ACAT1: variants seen among roughly 807,000 people sequenced by gnomAD.
ACAT1 encodes acetyl-CoA acetyltransferase, mitochondrial.
A neutral mutation model predicts 47.3 loss-of-function variants in ACAT1; 28 were observed. That is an observed-to-expected ratio of 0.59 (90% CI 0.44 to 0.81). The LOEUF is 0.81. Among genes scored for constraint, ACAT1 ranks in the 30% least tolerant of loss-of-function variants. ACAT1 has a pLI of 0.00. For synonymous variants in ACAT1, 181 were observed against 173.6 expected, an observed-to-expected ratio of 1.04 and a Z score of -0.34; for missense variants, 469 against 524.3, an observed-to-expected ratio of 0.89 and a Z score of 1.03.
intron 10 of ACAT1, among the ~76,000 whole-genome samples, chr11:108,144,691 C>T (rs972849910): frequency 9.9e-4 from 51 of 51,460 alleles, no homozygotes; most frequent in Non-Finnish European, 1.5e-3. Flanking sequence ...CCCCACTGCC[C>T]CCAACCCCCG....
intron 5 of ACAT1, among the ~76,000 whole-genome samples, chr11:108,138,005 T>A (rs1034792927): frequency 2.0e-5 from 3 of 151,860 alleles, no homozygotes; most frequent in African/African-American, 7.3e-5. Flanking sequence ...ATTTTTTTTT[T>A]AAAGACAGAG....
At chr11:108,146,452 GT>G in intron 11 of ACAT1, 93 bp downstream of exon 11, 1 of 1,463,704 alleles carries the variant, frequency 6.8e-7, no homozygotes, top group South Asian at 1.2e-5. Context: ...TTGCTCTTAA[GT>G]TTTCCTTCCT....
At chr11:108,122,147 G>A (rs2077165027) in intron 1 of ACAT1, among the ~76,000 whole-genome samples, 1 of 152,232 alleles carries the variant, frequency 6.6e-6, no homozygotes, top group Non-Finnish European at 1.5e-5. Flanking sequence ...AGGGCACCAT[G>A]TGATCATAAC....
At chr11:108,136,109 C>T in intron 5 of ACAT1, 1 of 703,664 alleles carries the variant, frequency 1.4e-6, no homozygotes, top group Non-Finnish European at 2.6e-6. Flanking sequence ...AATATGCTGT[C>T]ATGTCAGGAG....
At chr11:108,120,162 C>T (rs1443922751), upstream of ACAT1, among the ~76,000 whole-genome samples, 4 of 151,694 alleles carry the variant, frequency 2.6e-5, no homozygotes, top group Admixed American at 6.6e-5. Flanking sequence ...GTCAAGATCG[C>T]GCCTGGGTGA....
At chr11:108,130,811 G>A (rs1341780369) in intron 1 of ACAT1, among the ~76,000 whole-genome samples, 4 of 152,106 alleles carry the variant, frequency 2.6e-5, no homozygotes, top group Admixed American at 6.6e-5. Flanking sequence ...GTGCAGTGGC[G>A]TGATCTTGGC....
At position 108,142,545 on chromosome 11, in the gene ACAT1, T is replaced by C. The variant is rs120074146; in HGVS notation, c.935T>C (p.Ile312Thr). The change falls in exon 9 of 12, where the codon ATA (isoleucine) becomes ACA (threonine). Residue 312 changes from isoleucine (I) to threonine (T), a missense_variant. By Grantham distance (89) the Ile-to-Thr change is moderately conservative. Coordinates refer to ENST00000265838, the MANE Select transcript of ACAT1 (RefSeq NM_000019.4). ...CTCAATGTTACACCACTGGCAAGAA[T>C]AGTAGGTAAGGCCAGGCGAGGTGGC... ...KRLNVTPLARIVAFADAAVEP... is the reference protein window; with the variant it reads ...KRLNVTPLARTVAFADAAVEP... The C allele has an allele frequency of 6.2e-6, 10 of 1,613,590 alleles. No individual in the cohort carries two copies. The East Asian group carries it at 6.7e-5, about 11-fold the overall frequency.
At chr11:108,138,694 G>A in intron 5 of ACAT1, 1 of 613,794 alleles carries the variant, frequency 1.6e-6, no homozygotes, top group Non-Finnish European at 2.9e-6. Context: ...ACTGCACCCA[G>A]CCAACTTATT....
Position 108,146,298 on chromosome 11 carries a change from G to C in ACAT1, c.1102G>C (p.Glu368Gln). 2 of 1,614,048 alleles carry C rather than the reference G, an allele frequency of 1.2e-6. No individual in the cohort carries two copies. Among genetic ancestry groups the C allele is most frequent in the African/African-American group, 2.7e-5 (2 of 75,046 alleles). The change falls in exon 11 of 12, where the codon GAG becomes CAG. Residue 368 changes from glutamate (E) to glutamine (Q), a missense_variant. Coordinates refer to ENST00000265838, the MANE Select transcript of ACAT1 (RefSeq NM_000019.4). Reference sequence around the variant, plus strand: ...TGTACTAGCAAACATTAAAATGTTGGAGATTGATCCCCAAAAAGTGAATAT... The same window carrying C: ...TGTACTAGCAAACATTAAAATGTTGCAGATTGATCCCCAAAAAGTGAATAT... Reference protein sequence around the residue: ...LVVLANIKMLEIDPQKVNING... With the variant: ...LVVLANIKMLQIDPQKVNING...
At chr11:108,145,098 C>T (rs1335052140) in intron 10 of ACAT1, among the ~76,000 whole-genome samples, 1 of 152,048 alleles carries the variant, frequency 6.6e-6, no homozygotes, top group Non-Finnish European at 1.5e-5. Flanking sequence ...AAAAAGGGCA[C>T]TCACTAGTAA....
At chr11:108,137,640 G>T (rs1269159192) in intron 5 of ACAT1, among the ~76,000 whole-genome samples, 1 of 152,076 alleles carries the variant, frequency 6.6e-6, no homozygotes, top group East Asian at 1.9e-4. Flanking sequence ...GAAATGAAGG[G>T]TTAGAAGTTA....
chr11:108,133,792 T>C (rs1452938619), intron 2 of ACAT1, 28 bp from the exon 3 acceptor site: 3 of 1,558,130 alleles, frequency 1.9e-6, no homozygotes, highest in East Asian at 2.2e-5. Context: ...AAAATACCTA[T>C]AATTTTTACC....
At chr11:108,136,130 G>A in intron 5 of ACAT1, 1 of 674,528 alleles carries the variant, frequency 1.5e-6, no homozygotes, top group South Asian at 1.7e-5. Context: ...GTGAGACCTG[G>A]ACACACAGAA....
intron 4 of ACAT1, among the ~76,000 whole-genome samples, chr11:108,134,843 G>A (rs2077435888): frequency 6.7e-6 from 1 of 149,648 alleles, no homozygotes; most frequent in Non-Finnish European, 1.5e-5. Context: ...TACTCCGGAG[G>A]CTGAGGCAGG....
chr11:108,136,372 C>G, intron 5 of ACAT1: 1 of 330,942 alleles, frequency 3.0e-6, no homozygotes, highest in East Asian at 4.7e-5. Context: ...TTTGCAAATG[C>G]TTTCCATAAA....
upstream of ACAT1, among the ~76,000 whole-genome samples, chr11:108,120,635 G>A (rs1380021293): frequency 4.6e-5 from 7 of 152,202 alleles, 1 homozygote. Context: ...CAGCATGGTG[G>A]GTATGGCTTG....
intron 5 of ACAT1, chr11:108,136,514 A>G (rs1416795737): frequency 6.2e-6 from 1 of 161,776 alleles, no homozygotes; most frequent in Non-Finnish European, 1.3e-5. Context: ...ACTGTTTGTC[A>G]TGGAAAGTTT....
At chr11:108,144,176 A>G (rs561399372) in intron 10 of ACAT1, 129 bp downstream of exon 10, 12 of 1,024,280 alleles carry the variant, frequency 1.2e-5, no homozygotes, top group Admixed American at 9.3e-5. Context: ...AAATCTTCCC[A>G]TGTCTTCTCC....
chr11:108,127,516 C>T (rs1402653590), intron 1 of ACAT1, among the ~76,000 whole-genome samples: 1 of 152,138 alleles, frequency 6.6e-6, no homozygotes, highest in African/African-American at 2.4e-5. Context: ...GATCTGCCTG[C>T]CTTGGCCTCC....
Sources: gnomAD v4.1 joint callset for allele counts (sites outside exome capture counted in the v4.1 genomes callset) on GRCh38, gnomAD v4.1.1 for gene constraint, MANE v1.5 for transcripts, NCBI Gene and HGNC (gene_info 2026-07-23, HGNC 2026-07-21) for gene names.